Variants in ZMAT4 observed in about 807,000 individuals in gnomAD.
The protein encoded by ZMAT4 is zinc finger matrin-type protein 4.
In ZMAT4, 17 loss-of-function variants were observed where a neutral mutation model predicts 28.7. The ratio of observed to expected loss-of-function variants is 0.59; its 90% CI spans 0.41 to 0.89. The LOEUF is 0.89. ZMAT4 is among the 40% of genes least tolerant of loss of function. The probability of loss-of-function intolerance (pLI) is 0.00; values close to 1 mark genes in which losing one functional copy is unlikely to be tolerated. For missense variants in ZMAT4, 240 were observed against 283.8 expected (o/e 0.85, Z 1.11); for synonymous variants, 117 against 109.2 (o/e 1.07, Z -0.44).
intron 6 of ZMAT4, among the ~76,000 whole-genome samples, chr8:40,539,606 C>T (rs1163847032): frequency 5.3e-5 from 8 of 152,078 alleles, no homozygotes; most frequent in East Asian, 3.8e-4. Context: ...ACAAAGACAT[C>T]GATAATATCT....
At chr8:40,860,080 T>C (rs933362835) in intron 1 of ZMAT4, among the ~76,000 whole-genome samples, 2 of 152,222 alleles carry the variant, frequency 1.3e-5, no homozygotes, top group Non-Finnish European at 2.9e-5. Context: ...GAGCAAGACA[T>C]AGATCTTTTC....
chr8:40,798,446 A>G (rs1338032185), intron 2 of ZMAT4, among the ~76,000 whole-genome samples: 1 of 152,214 alleles, frequency 6.6e-6, no homozygotes, highest in African/African-American at 2.4e-5. Flanking sequence ...TGTAGGTTTT[A>G]TGAGAAAAGA....
chr8:40,720,294 C>G (rs1189061084), intron 3 of ZMAT4, among the ~76,000 whole-genome samples: 1 of 151,736 alleles, frequency 6.6e-6, no homozygotes, highest in Non-Finnish European at 1.5e-5. Flanking sequence ...GCAGACCATT[C>G]AGAGTAGGTG....
At chr8:40,807,213 A>C (rs1815123488) in intron 2 of ZMAT4, among the ~76,000 whole-genome samples, 1 of 151,234 alleles carries the variant, frequency 6.6e-6, no homozygotes, top group African/African-American at 2.4e-5. Flanking sequence ...AGGCTAAGGC[A>C]GGTGGATCAC....
chr8:40,756,714 A>G (rs954795676), intron 3 of ZMAT4, among the ~76,000 whole-genome samples: 1 of 151,108 alleles, frequency 6.6e-6, no homozygotes. Flanking sequence ...TAAAGTTGCT[A>G]TGAACACTGA....
At chr8:40,567,058 G>C (rs1416728863) in intron 6 of ZMAT4, among the ~76,000 whole-genome samples, 2 of 152,148 alleles carry the variant, frequency 1.3e-5, no homozygotes, top group South Asian at 4.1e-4. Context: ...CCTGTTGGGT[G>C]TCTTTAGAAG....
chr8:40,892,147 G>A (rs1254807187), intron 1 of ZMAT4, among the ~76,000 whole-genome samples: 1 of 152,214 alleles, frequency 6.6e-6, no homozygotes, highest in African/African-American at 2.4e-5. Flanking sequence ...AAGGTAACAG[G>A]TGATGTGTCT....
intron 5 of ZMAT4, among the ~76,000 whole-genome samples, chr8:40,595,498 T>C (rs1805060298): frequency 6.6e-6 from 1 of 152,134 alleles, no homozygotes; most frequent in Non-Finnish European, 1.5e-5. Context: ...TAAACCTACA[T>C]GGTATAGCTT....
chr8:40,579,461 A>T (rs1286224060), intron 6 of ZMAT4, among the ~76,000 whole-genome samples: 2 of 152,206 alleles, frequency 1.3e-5, no homozygotes, highest in Non-Finnish European at 2.9e-5. Context: ...ATTCCATAAC[A>T]AATCAAGGAA....
chr8:40,643,696 A>T (rs1349043880), intron 5 of ZMAT4, among the ~76,000 whole-genome samples: 1 of 151,802 alleles, frequency 6.6e-6, no homozygotes. Context: ...TTCTATAGAA[A>T]ACTCCCCAAA....
chr8:40,563,331 C>T (rs922566435), intron 6 of ZMAT4, among the ~76,000 whole-genome samples: 2 of 152,128 alleles, frequency 1.3e-5, no homozygotes, highest in South Asian at 2.1e-4. Context: ...TGATTATTTT[C>T]GTCTATTAAT....
chr8:40,536,476 A>G (rs760383998), intron 6 of ZMAT4, among the ~76,000 whole-genome samples: 2 of 152,184 alleles, frequency 1.3e-5, no homozygotes, highest in Non-Finnish European at 2.9e-5. Flanking sequence ...TATGACACAT[A>G]AAGGTCACTG....
At chr8:40,857,973 T>A (rs1168488889) in intron 1 of ZMAT4, among the ~76,000 whole-genome samples, 5 of 152,100 alleles carry the variant, frequency 3.3e-5, no homozygotes, top group Admixed American at 2.6e-4. Context: ...GACCACCCTA[T>A]AGGAGAGAAA....
At chr8:40,881,456 A>AAAGAAAGG (rs1357618997) in intron 1 of ZMAT4, among the ~76,000 whole-genome samples, 2 of 143,540 alleles carry the variant, frequency 1.4e-5, no homozygotes, top group Admixed American at 1.4e-4. Flanking sequence ...AGAAAGAAAG[A>AAAGAAAGG]AAGAAAGAAA....
At chr8:40,703,599 G>A (rs904611610) in intron 3 of ZMAT4, among the ~76,000 whole-genome samples, 21 of 152,206 alleles carry the variant, frequency 1.4e-4, no homozygotes, top group Admixed American at 1.1e-3. Context: ...AGGGAGGAGG[G>A]AGATGGGAGG....
intron 1 of ZMAT4, among the ~76,000 whole-genome samples, chr8:40,828,214 C>G (rs1025814502): frequency 3.3e-5 from 5 of 152,214 alleles, no homozygotes; most frequent in Non-Finnish European, 2.9e-5. Context: ...TGATGAAGAA[C>G]TGGAGTACAA....
intron 3 of ZMAT4, among the ~76,000 whole-genome samples, chr8:40,749,284 G>A (rs923307326): frequency 6.6e-6 from 1 of 152,104 alleles, no homozygotes; most frequent in African/African-American, 2.4e-5. Context: ...TAGTTAATGA[G>A]CACCTGTCTC....
chr8:40,604,342 T>C (rs1490795695), intron 5 of ZMAT4, among the ~76,000 whole-genome samples: 1 of 152,204 alleles, frequency 6.6e-6, no homozygotes, highest in East Asian at 1.9e-4. Flanking sequence ...TTCAGTATAA[T>C]GTTGGCTGTG....
At chr8:40,771,414 G>T (rs1235449973) in intron 2 of ZMAT4, among the ~76,000 whole-genome samples, 1 of 151,396 alleles carries the variant, frequency 6.6e-6, no homozygotes, top group African/African-American at 2.4e-5. Flanking sequence ...TAACAAATTT[G>T]CCTATAACAT....
Sources: allele counts gnomAD v4.1 joint callset (sites outside exome capture counted in the v4.1 genomes callset), GRCh38; gene constraint gnomAD v4.1.1; transcripts MANE v1.5; gene names NCBI Gene and HGNC (gene_info 2026-07-23, HGNC 2026-07-21).